Variants in KIF1B observed in about 807,000 individuals in gnomAD.
KIF1B encodes the protein kinesin family member 1B.
In KIF1B, 76 loss-of-function variants were observed where a neutral mutation model predicts 241.9. The ratio of observed to expected loss-of-function variants is 0.31; its 90% confidence interval spans 0.26 to 0.38. The LOEUF is 0.38. Ranked by LOEUF, KIF1B falls within the 10% of genes least tolerant of loss-of-function variation. The probability of loss-of-function intolerance (pLI) is 1.00; values close to 1 mark genes in which losing one functional copy is unlikely to be tolerated. For missense variants in KIF1B, 1,622 were observed against 2,271.4 expected, an observed-to-expected ratio of 0.71 and a Z score of 5.81; for synonymous variants, 750 against 796.7, an observed-to-expected ratio of 0.94 and a Z score of 0.99.
chr1:10,363,821 T>A (rs1238392426), intron 41 of KIF1B, among the ~76,000 whole-genome samples: 1 of 152,264 alleles, frequency 6.6e-6, no homozygotes, highest in African/African-American at 2.4e-5. Flanking sequence ...TTTCTATGTT[T>A]GTAAACCGAA....
intron 22 of KIF1B, chr1:10,307,128 G>A: frequency 3.9e-6 from 4 of 1,030,520 alleles, no homozygotes; most frequent in Non-Finnish European, 4.7e-6. Flanking sequence ...AGATGACCAG[G>A]AAGAAATTAA....
At chr1:10,221,178 A>G (rs193019810) in intron 1 of KIF1B, among the ~76,000 whole-genome samples, 13 of 141,462 alleles carry the variant, frequency 9.2e-5, no homozygotes, top group Admixed American at 5.9e-4. Context: ...GCTCACTGCA[A>G]CCTCCACCTC....
intron 12 of KIF1B, among the ~76,000 whole-genome samples, chr1:10,276,614 TTTTA>T (rs1277396465): frequency 6.6e-6 from 1 of 152,192 alleles, no homozygotes; most frequent in African/African-American, 2.4e-5. Flanking sequence ...GATATGAACT[TTTTA>T]TTTTTTTATC....
chr1:10,337,574 C>G lies in KIF1B; in HGVS notation c.3422+41C>G. The G allele has an allele frequency of 6.2e-7, 1 of 1,610,246 alleles. No individual in the cohort carries two copies. The highest frequency in any genetic ancestry group is 8.5e-7 in the Non-Finnish European group (1 of 1,176,516). On this transcript the variant is annotated intron_variant, in intron 31 of 48. Transcript: ENST00000676179. This position sits in a 1 kb window ranked among gnomAD's most constrained non-coding sequence, Gnocchi z 4.0. The stretch of plus-strand genomic sequence containing the variant: ...GCTCTGCCTCCCAGCTAGCTGCTAA[C>G]CGAGGTGACATCTCTTGTGCACTGT...
intron 22 of KIF1B, among the ~76,000 whole-genome samples, chr1:10,318,460 G>A (rs762044167): frequency 5.3e-5 from 8 of 151,590 alleles, no homozygotes; most frequent in Middle Eastern, 3.4e-3. Flanking sequence ...GGTGGCTCAC[G>A]CCTGTAATCC....
At chr1:10,280,670 A>G (rs1649365651) in intron 14 of KIF1B, among the ~76,000 whole-genome samples, 1 of 152,236 alleles carries the variant, frequency 6.6e-6, no homozygotes, top group Non-Finnish European at 1.5e-5. Flanking sequence ...GTCCTGATAC[A>G]GAAGTGACTC....
At chr1:10,275,005 G>A in intron 10 of KIF1B, 1 of 330,928 alleles carries the variant, frequency 3.0e-6, no homozygotes, top group Non-Finnish European at 5.9e-6. Context: ...ATTGTTTTCT[G>A]TGTAAGAGAA....
intron 22 of KIF1B, among the ~76,000 whole-genome samples, chr1:10,301,500 T>C (rs983328158): frequency 2.4e-4 from 37 of 152,022 alleles, no homozygotes; most frequent in African/African-American, 8.7e-4. Flanking sequence ...ACCCCATCTC[T>C]ACCAAAAATG....
At chr1:10,339,890 A>AT in intron 32 of KIF1B, 31 bp downstream of exon 32, 1 of 1,574,840 alleles carries the variant, frequency 6.3e-7, no homozygotes, top group Non-Finnish European at 8.7e-7. Flanking sequence ...TGCCAAACAT[A>AT]TGTTTTTCTG....
chr1:10,293,708 A>G (rs1650123047), intron 17 of KIF1B, among the ~76,000 whole-genome samples: 1 of 152,120 alleles, frequency 6.6e-6, no homozygotes, highest in Non-Finnish European at 1.5e-5. Context: ...TTTTTATTAT[A>G]ACAACTAGTG....
At position 10,232,399 on chromosome 1, in the gene KIF1B, C is replaced by G. The variant is rs1646994662; in HGVS notation, c.71C>G (p.Ser24Cys). Residue 24 changes from serine to cysteine, a missense_variant, in exon 2 of 49, where the codon TCC (serine) becomes TGC (cysteine). By Grantham distance (112) the Ser-to-Cys change is moderately radical. Transcript: ENST00000676179. ...PFNSRETSKESKCIIQMQGNS... is the reference protein window; with the variant it reads ...PFNSRETSKECKCIIQMQGNS... Reference sequence around the variant, plus strand: ...AATTCTCGAGAGACCAGCAAGGAATCCAAATGCATCATTCAGATGCAAGGC... The same window carrying G: ...AATTCTCGAGAGACCAGCAAGGAATGCAAATGCATCATTCAGATGCAAGGC... 6.2e-7 allele frequency: 1 copy of G among 1,613,872 alleles called. No homozygotes were observed.
At chr1:10,211,422 G>T (rs975717245) in intron 1 of KIF1B, among the ~76,000 whole-genome samples, 3 of 152,224 alleles carry the variant, frequency 2.0e-5, no homozygotes, top group Admixed American at 6.5e-5. Context: ...GGGGCTTGTT[G>T]GATGCTGGCC....
chr1:10,214,181 AT>A (rs1415818045), intron 1 of KIF1B, among the ~76,000 whole-genome samples: 2 of 152,092 alleles, frequency 1.3e-5, no homozygotes, highest in African/African-American at 4.8e-5. Context: ...CGGGCCACTG[AT>A]TCATTGATGC....
intron 1 of KIF1B, among the ~76,000 whole-genome samples, chr1:10,223,531 TTTTTG>T (rs1242460235): frequency 0.024 from 3,600 of 149,714 alleles, 173 homozygotes; most frequent in African/African-American, 0.083. Flanking sequence ...GTGGTTTTTT[TTTTTG>T]TTTTGTTTTG....
intron 5 of KIF1B, among the ~76,000 whole-genome samples, chr1:10,267,003 TTTTC>T (rs539886931): frequency 0.019 from 2,856 of 151,520 alleles, 38 homozygotes; most frequent in Non-Finnish European, 0.028. Flanking sequence ...TTTGTTTTCT[TTTTC>T]TTTCTTTCTT....
chr1:10,227,032 CTTT>C (rs747870005), intron 1 of KIF1B, among the ~76,000 whole-genome samples: 7,126 of 113,006 alleles, frequency 0.063, 175 homozygotes, highest in Middle Eastern at 0.13. Context: ...GCAAGTCTCT[CTTT>C]TTTTTTTTTT....
At chr1:10,343,177 T>C (rs1652462118) in intron 33 of KIF1B, 55 bp from the exon 34 acceptor site, 2 of 1,586,804 alleles carry the variant, frequency 1.3e-6, no homozygotes, top group Admixed American at 1.7e-5. Flanking sequence ...AAGGGGAGAA[T>C]TTCTAAAATA....
intron 14 of KIF1B, 101 bp from the exon 15 acceptor site, chr1:10,282,221 C>A: frequency 1.1e-6 from 1 of 932,712 alleles, no homozygotes; most frequent in South Asian, 1.5e-5. Flanking sequence ...CGCTTTAATG[C>A]TGTCCTTTCT....
rs75435770 is a variant in KIF1B, at chr1:10,314,213, A to G, written c.2116-5830A>G. ...TATTATTTTTTAATGTGCCTTCCGT[A>G]ATTAGTTTTTGTCACAAAATGAACA... On this transcript the variant is annotated intron_variant, in intron 22 of 48. Coordinates refer to ENST00000676179, the MANE Select transcript of KIF1B (RefSeq NM_001365951.3). Among the ~76,000 whole-genome samples the G allele has an allele frequency of 3.1e-3, 473 of 151,334 alleles. 2 individuals are homozygous for G. Among genetic ancestry groups the G allele is most frequent in the Non-Finnish European group, 5.3e-3 (358 of 67,962 alleles).
Sources: allele counts gnomAD v4.1 joint callset (sites outside exome capture counted in the v4.1 genomes callset), GRCh38; gene constraint gnomAD v4.1.1; non-coding constraint Gnocchi (gnomAD v3.1); transcripts MANE v1.5; gene names NCBI Gene and HGNC (gene_info 2026-07-23, HGNC 2026-07-21).